EXOC4: variants seen among roughly 807,000 people sequenced by gnomAD.
EXOC4 encodes the protein exocyst complex component 4.
A neutral mutation model predicts 107.2 loss-of-function variants in EXOC4; 71 were observed. The observed-to-expected ratio is 0.66, with a 90% CI of 0.55 to 0.81. The LOEUF (loss-of-function observed/expected upper bound fraction) is 0.81. Ranked by LOEUF, EXOC4 falls within the 30% of genes least tolerant of loss-of-function variation. The pLI is 0.00. For synonymous variants in EXOC4, 456 were observed against 441.2 expected, an observed-to-expected ratio of 1.03 and a Z score of -0.42; for missense variants, 1,108 against 1,189.6, an observed-to-expected ratio of 0.93 and a Z score of 1.01.
At chr7:133,295,474 A>T (rs1210055461) in intron 3 of EXOC4, among the ~76,000 whole-genome samples, 2 of 152,194 alleles carry the variant, frequency 1.3e-5, no homozygotes, top group Non-Finnish European at 2.9e-5. Flanking sequence ...AGTATCCAAG[A>T]TGAGCTTGTA....
At chr7:133,965,218 T>G (rs1206696587) in intron 14 of EXOC4, among the ~76,000 whole-genome samples, 1 of 152,254 alleles carries the variant, frequency 6.6e-6, no homozygotes, top group Non-Finnish European at 1.5e-5. Flanking sequence ...CTTTGTAGAT[T>G]CTGGATATTA....
At chr7:133,290,238 G>A (rs939750511) in intron 3 of EXOC4, among the ~76,000 whole-genome samples, 2 of 152,180 alleles carry the variant, frequency 1.3e-5, no homozygotes, top group Non-Finnish European at 2.9e-5. Context: ...TAAGGCTGCA[G>A]TGAGTCATGA....
Position 133,899,105 on chromosome 7 carries a change from TA to T in EXOC4, c.1871+3372del, listed in dbSNP as rs1799391631. On this transcript the variant is annotated intron_variant, in intron 12 of 17. Coordinates refer to ENST00000253861, the MANE Select transcript of EXOC4 (RefSeq NM_021807.4). ...CATTAAATATAAAGCTTTTTTTTTT[TA>T]AGTAGGGCATGCCCTCTTTTTCTAG... 3.3e-5 allele frequency among the ~76,000 whole-genome samples: 5 copies of T among 152,128 alleles called. No homozygotes were observed. In the South Asian group the frequency reaches 1.0e-3, roughly 32 times the overall value.
intron 15 of EXOC4, among the ~76,000 whole-genome samples, chr7:134,002,259 A>G (rs1430424990): frequency 6.6e-6 from 1 of 152,218 alleles, no homozygotes; most frequent in Non-Finnish European, 1.5e-5. Flanking sequence ...GCAGTAGTCA[A>G]GATACTTGGA....
chr7:134,023,514 G>A (rs1448643501), intron 17 of EXOC4, among the ~76,000 whole-genome samples: 2 of 151,882 alleles, frequency 1.3e-5, no homozygotes, highest in Admixed American at 1.3e-4. Context: ...TACACACATT[G>A]TCTTATTTAA....
At chr7:134,051,175 G>A (rs1407377133) in intron 17 of EXOC4, among the ~76,000 whole-genome samples, 3 of 152,204 alleles carry the variant, frequency 2.0e-5, no homozygotes, top group Non-Finnish European at 2.9e-5. Context: ...AAGTGAAAAT[G>A]ACGTTTTGAT....
chr7:133,378,163 T>G (rs1166065540), intron 7 of EXOC4, among the ~76,000 whole-genome samples: 1 of 151,722 alleles, frequency 6.6e-6, no homozygotes, highest in African/African-American at 2.4e-5. Context: ...ACAAAAGAAT[T>G]AACTGGGTGT....
At chr7:133,672,372 CAG>C (rs2151058844) in intron 10 of EXOC4, among the ~76,000 whole-genome samples, 1 of 138,830 alleles carries the variant, frequency 7.2e-6, no homozygotes, top group South Asian at 2.3e-4. Flanking sequence ...GCCTGGGCGA[CAG>C]AGTGAGACTC....
intron 9 of EXOC4, among the ~76,000 whole-genome samples, chr7:133,555,199 T>A (rs1019662245): frequency 6.6e-6 from 1 of 152,278 alleles, no homozygotes; most frequent in African/African-American, 2.4e-5. Flanking sequence ...TTAAAATACC[T>A]TTTTTTCTTG....
intron 14 of EXOC4, among the ~76,000 whole-genome samples, chr7:133,938,856 G>T (rs556824358): frequency 2.2e-4 from 33 of 152,322 alleles, no homozygotes; most frequent in African/African-American, 7.7e-4. Context: ...AGGCTGGAGT[G>T]CAGTGGCACA....
At position 133,914,144 on chromosome 7, in the gene EXOC4, G is replaced by T. The variant is rs117610563; in HGVS notation, c.1872-3439G>T. On this transcript the variant is annotated intron_variant, in intron 12 of 17. Transcript: ENST00000253861. ...GATTTTGATTTCCTGTCAGAAGTTT[G>T]GTGCGAATAGATTTAAAAAGCCCTT... Among the ~76,000 whole-genome samples, 985 of 152,274 alleles carry T rather than the reference G, an allele frequency of 6.5e-3. 9 individuals carry two copies. The highest frequency in any genetic ancestry group is 9.8e-3 in the Non-Finnish European group (667 of 68,014).
At position 133,439,660 on chromosome 7, in the gene EXOC4, A is replaced by G. The variant is rs184093180; in HGVS notation, c.1183-35668A>G. Among the ~76,000 whole-genome samples, 443 of 152,298 alleles carry G rather than the reference A, an allele frequency of 2.9e-3. 1 individual carries two copies. The highest frequency in any genetic ancestry group is 0.01 in the African/African-American group (431 of 41,558). Reference sequence around the variant, plus strand: ...ACACAAAGCTACCTTCTGACTACTGACACATGGTTACTTGGGACCAAAAAA... The same window carrying G: ...ACACAAAGCTACCTTCTGACTACTGGCACATGGTTACTTGGGACCAAAAAA... On this transcript the variant is annotated intron_variant, in intron 7 of 17. Coordinates refer to ENST00000253861, the MANE Select transcript of EXOC4 (RefSeq NM_021807.4).
At chr7:133,992,126 T>G (rs987091309) in intron 14 of EXOC4, among the ~76,000 whole-genome samples, 4 of 152,194 alleles carry the variant, frequency 2.6e-5, no homozygotes, top group Non-Finnish European at 5.9e-5. Context: ...GTGTCTTCAA[T>G]TTCTTTCATC....
chr7:133,294,368 T>A (rs943179703), intron 3 of EXOC4, among the ~76,000 whole-genome samples: 2 of 152,136 alleles, frequency 1.3e-5, no homozygotes, highest in Admixed American at 1.3e-4. Flanking sequence ...TATCATCCCA[T>A]AGAAGTCAAT....
chr7:133,507,799 G>A (rs1799693610), intron 9 of EXOC4, among the ~76,000 whole-genome samples: 2 of 152,088 alleles, frequency 1.3e-5, no homozygotes, highest in African/African-American at 2.4e-5. Flanking sequence ...TGAAAAATCA[G>A]TACTGTAATC....
intron 12 of EXOC4, among the ~76,000 whole-genome samples, chr7:133,907,955 G>A (rs752352058): frequency 2.0e-4 from 31 of 152,216 alleles, no homozygotes; most frequent in Admixed American, 4.6e-4. Context: ...GCAGTATCTT[G>A]CATGGTGTCT....
intron 6 of EXOC4, among the ~76,000 whole-genome samples, chr7:133,367,367 G>A (rs1223314631): frequency 6.6e-6 from 1 of 152,158 alleles, no homozygotes; most frequent in Non-Finnish European, 1.5e-5. Context: ...GTGGAAGACA[G>A]TGTTTCAAGG....
chr7:133,722,774 T>G (rs1240175536), intron 10 of EXOC4, among the ~76,000 whole-genome samples: 2 of 152,216 alleles, frequency 1.3e-5, no homozygotes, highest in African/African-American at 4.8e-5. Flanking sequence ...TACTCCAAAC[T>G]GCCCTAAATT....
chr7:133,813,461 G>A (rs1163649381), intron 10 of EXOC4, among the ~76,000 whole-genome samples: 1 of 152,296 alleles, frequency 6.6e-6, no homozygotes, highest in African/African-American at 2.4e-5. Context: ...GAGTTTCGGT[G>A]TATTTACTCA....
Sources: allele counts gnomAD v4.1 joint callset (sites outside exome capture counted in the v4.1 genomes callset), GRCh38; gene constraint gnomAD v4.1.1; transcripts MANE v1.5; gene names NCBI Gene and HGNC (gene_info 2026-07-23, HGNC 2026-07-21).